Variants in ZFAND3 observed in about 807,000 individuals in gnomAD.
ZFAND3 encodes the protein zinc finger AN1-type containing 3.
Under a neutral mutation model 29.6 loss-of-function variants are expected in ZFAND3, and 10 were observed. The observed-to-expected ratio is 0.34, with a 90% CI of 0.21 to 0.57. The LOEUF is 0.57. Among genes scored for constraint, ZFAND3 ranks in the 20% least tolerant of loss-of-function variants. The pLI is 0.86. For missense variants in ZFAND3, 230 were observed against 304.5 expected, an observed-to-expected ratio of 0.76 and a Z score of 1.82; for synonymous variants, 128 against 112.6, an observed-to-expected ratio of 1.14 and a Z score of -0.87.
intron 4 of ZFAND3, among the ~76,000 whole-genome samples, chr6:38,102,781 G>C (rs1303011997): frequency 1.3e-5 from 2 of 152,122 alleles, no homozygotes; most frequent in Non-Finnish European, 2.9e-5. Flanking sequence ...TTTTGAGGCA[G>C]AGTCTTGCTC....
intron 2 of ZFAND3, among the ~76,000 whole-genome samples, chr6:38,045,054 T>A (rs549014537): frequency 1.0e-4 from 14 of 134,778 alleles, no homozygotes; most frequent in African/African-American, 2.7e-4. Flanking sequence ...GTGGAAATTC[T>A]TTTATTTATT....
chr6:38,088,167 A>G (rs1289603573), intron 4 of ZFAND3, among the ~76,000 whole-genome samples: 3 of 152,356 alleles, frequency 2.0e-5, no homozygotes, highest in South Asian at 2.1e-4. Context: ...CTTATACACA[A>G]TGGAGTATTA....
chr6:38,138,445 C>G (rs534680131), intron 5 of ZFAND3, among the ~76,000 whole-genome samples: 2 of 152,146 alleles, frequency 1.3e-5, no homozygotes, highest in African/African-American at 4.8e-5. Flanking sequence ...CAGAAGTTCC[C>G]TCCAACTGCT....
intron 2 of ZFAND3, among the ~76,000 whole-genome samples, chr6:38,019,328 C>G (rs1050321752): frequency 6.6e-6 from 1 of 152,172 alleles, no homozygotes; most frequent in Admixed American, 6.5e-5. Flanking sequence ...ATTTTTAATA[C>G]ACTTAAAGAG....
chr6:37,988,974 A>G (rs1447656504), intron 2 of ZFAND3, among the ~76,000 whole-genome samples: 3 of 151,720 alleles, frequency 2.0e-5, no homozygotes, highest in Admixed American at 1.3e-4. Context: ...GTGCGGTCTC[A>G]GCTCACTGCA....
intron 5 of ZFAND3, among the ~76,000 whole-genome samples, chr6:38,134,849 A>C (rs937355621): frequency 6.6e-6 from 1 of 152,250 alleles, no homozygotes; most frequent in African/African-American, 2.4e-5. Context: ...CTGTGCCAGC[A>C]TAAACTCTAA....
In ZFAND3 at chr6:38,154,076, G is replaced by C. The variant is rs1461597692; in HGVS notation, c.*1687G>C. ...TCCCCAGCCTTAATTCTTGCTTCAG[G>C]ACCCAGACCGGTGTCTTGCTCTAGG... On this transcript the variant is annotated 3_prime_UTR_variant, in exon 6 of 6. Transcript: ENST00000287218. 1 of 985,396 alleles carries C rather than the reference G, an allele frequency of 1.0e-6. No individual in the cohort carries two copies. Among genetic ancestry groups the C allele is most frequent in the African/African-American group, 1.7e-5 (1 of 57,254 alleles). 61.0% of individuals were successfully genotyped at this position (985,396 alleles called of 1,614,324 possible).
At chr6:37,942,007 C>T (rs1283440630) in intron 2 of ZFAND3, among the ~76,000 whole-genome samples, 1 of 152,168 alleles carries the variant, frequency 6.6e-6, no homozygotes, top group Non-Finnish European at 1.5e-5. Context: ...CTCTCTGTCC[C>T]ATACTCCTGA....
intron 1 of ZFAND3, among the ~76,000 whole-genome samples, chr6:37,873,549 G>A (rs926420484): frequency 2.3e-4 from 33 of 142,356 alleles, no homozygotes; most frequent in African/African-American, 7.4e-4. Flanking sequence ...CTTGCTGACA[G>A]TAGTGGACTT....
chr6:37,918,084 T>C (rs547510174), intron 1 of ZFAND3, among the ~76,000 whole-genome samples: 3 of 152,134 alleles, frequency 2.0e-5, no homozygotes, highest in Admixed American at 2.0e-4. Flanking sequence ...TTGTTTTGTT[T>C]TTGTTTTTTT....
At chr6:37,886,959 A>G (rs1765006114) in intron 1 of ZFAND3, among the ~76,000 whole-genome samples, 1 of 152,190 alleles carries the variant, frequency 6.6e-6, no homozygotes, top group Non-Finnish European at 1.5e-5. Context: ...AGCTGACATC[A>G]CATACACTTC....
At chr6:37,947,495 T>C (rs1024327173) in intron 2 of ZFAND3, among the ~76,000 whole-genome samples, 7 of 152,158 alleles carry the variant, frequency 4.6e-5, no homozygotes, top group African/African-American at 1.4e-4. Flanking sequence ...TTAGATGATA[T>C]AGATGAAATC....
chr6:37,936,947 C>A (rs1761709199), intron 2 of ZFAND3, among the ~76,000 whole-genome samples: 1 of 152,174 alleles, frequency 6.6e-6, no homozygotes, highest in Non-Finnish European at 1.5e-5. Context: ...TAACATTTTT[C>A]TTGAAAGTGA....
At chr6:37,889,166 C>T (rs1360439657) in intron 1 of ZFAND3, among the ~76,000 whole-genome samples, 1 of 152,142 alleles carries the variant, frequency 6.6e-6, no homozygotes, top group Non-Finnish European at 1.5e-5. Flanking sequence ...CTGAGCATGC[C>T]CTCCTCAAAT....
At chr6:38,111,525 C>A (rs1427783369) in intron 4 of ZFAND3, among the ~76,000 whole-genome samples, 2 of 152,196 alleles carry the variant, frequency 1.3e-5, no homozygotes, top group East Asian at 3.8e-4. Context: ...AGACCAGCCC[C>A]CCACTCCTCC....
intron 5 of ZFAND3, among the ~76,000 whole-genome samples, chr6:38,120,307 G>A (rs953376182): frequency 8.1e-6 from 1 of 122,956 alleles, no homozygotes; most frequent in African/African-American, 3.0e-5. Flanking sequence ...ATTGATACAC[G>A]TAGCTTGGCT....
At chr6:37,982,123 A>G (rs2127432691) in intron 2 of ZFAND3, among the ~76,000 whole-genome samples, 1 of 152,156 alleles carries the variant, frequency 6.6e-6, no homozygotes, top group South Asian at 2.1e-4. Context: ...ATGTGAGCAG[A>G]GGGACAACTT....
At position 38,110,456 on chromosome 6, in the gene ZFAND3, C is replaced by T. The variant is rs189748671; in HGVS notation, c.362-6116C>T. Among the ~76,000 whole-genome samples, 355 of 151,946 alleles carry T rather than the reference C, an allele frequency of 2.3e-3. 1 individual carries two copies. The highest frequency in any genetic ancestry group is 0.01 in the Middle Eastern group (3 of 294). ...AAGTACCTGTAAAGCAGGTTTTTTT[C>T]AAGTCTCTTTTATCAGTTTTTCCAG... On this transcript the variant is annotated intron_variant, in intron 4 of 5. Coordinates refer to ENST00000287218, the MANE Select transcript of ZFAND3 (RefSeq NM_021943.3).
At chr6:37,824,052 C>T (rs971606989) in intron 1 of ZFAND3, among the ~76,000 whole-genome samples, 2 of 152,104 alleles carry the variant, frequency 1.3e-5, no homozygotes, top group African/African-American at 4.8e-5. Flanking sequence ...CTGGGATTAC[C>T]GGCGTGAGCC....
Sources: allele counts gnomAD v4.1 joint callset (sites outside exome capture counted in the v4.1 genomes callset), GRCh38; gene constraint gnomAD v4.1.1; transcripts MANE v1.5; gene names NCBI Gene and HGNC (gene_info 2026-07-23, HGNC 2026-07-21).